Variants in PRRC2B observed in about 807,000 individuals in gnomAD.
The protein encoded by PRRC2B is proline rich coiled-coil 2B.
A neutral mutation model predicts 242.3 loss-of-function variants in PRRC2B; 68 were observed. The observed-to-expected ratio is 0.28, with a 90% CI of 0.23 to 0.34. The LOEUF (loss-of-function observed/expected upper bound fraction) is 0.34, where lower values mean the gene tolerates loss of function less well. Ranked by LOEUF, PRRC2B falls within the 10% of genes least tolerant of loss-of-function variation. The pLI, the probability that PRRC2B is intolerant of heterozygous loss-of-function variation, is 1.00. For synonymous variants in PRRC2B, 1,228 were observed against 1,173.6 expected (o/e 1.05, Z -0.95); for missense variants, 2,835 against 2,954.8 (o/e 0.96, Z 0.94).
chr9:131,387,268 T>G (rs1836838215), intron 1 of PRRC2B, among the ~76,000 whole-genome samples: 2 of 150,304 alleles, frequency 1.3e-5, no homozygotes, highest in Admixed American at 1.4e-4. Flanking sequence ...CCCAAAGTGC[T>G]GGGATTACAG....
At chr9:131,467,800 C>A in intron 13 of PRRC2B, 47 bp downstream of exon 13, 1 of 1,586,740 alleles carries the variant, frequency 6.3e-7, no homozygotes, top group Non-Finnish European at 8.6e-7. Context: ...GGCCTGAGTG[C>A]CGAGCAGATG....
chr9:131,474,604 A>G lies in PRRC2B; in HGVS notation c.2475A>G (p.Ile825Met). The change falls in exon 16 of 32, where the codon ATA (isoleucine) becomes ATG (methionine). Residue 825 changes from isoleucine to methionine, a missense_variant. Ile to Met is a conservative substitution (Grantham distance 10, BLOSUM62 1). This residue lies in a region of PRRC2B where 1,536 missense variants were observed against 1,483.1 expected (regional missense o/e 1.04). Transcript: ENST00000683519. Reference protein sequence around the residue: ...DFDSCISSQRIGQELLFPPQE... With the variant: ...DFDSCISSQRMGQELLFPPQE... ...ACAGCTGTATCTCTTCTCAAAGAAT[A>G]GGCCAGGAGCTTTTGTTTCCACCCC... is the stretch of plus-strand genomic sequence containing the variant. The G allele has an allele frequency of 6.2e-7, 1 of 1,614,044 alleles. No homozygotes were observed. The highest frequency in any genetic ancestry group is 8.5e-7 in the Non-Finnish European group (1 of 1,179,896).
chr9:131,453,887 A>C (rs1041000789), intron 9 of PRRC2B, among the ~76,000 whole-genome samples: 3 of 152,234 alleles, frequency 2.0e-5, no homozygotes, highest in African/African-American at 7.2e-5. Context: ...TAATTGTCAT[A>C]TAACATAAAA....
intron 1 of PRRC2B, among the ~76,000 whole-genome samples, chr9:131,410,839 G>A (rs1837489698): frequency 6.6e-6 from 1 of 151,632 alleles, no homozygotes; most frequent in Non-Finnish European, 1.5e-5. Flanking sequence ...TTTCTTCATT[G>A]TTTCTGCTTT....
At chr9:131,447,614 C>A in intron 8 of PRRC2B, 48 bp from the exon 9 acceptor site, 1 of 1,484,490 alleles carries the variant, frequency 6.7e-7, no homozygotes. Context: ...TTTGATTTTG[C>A]TTCCGTCTGT....
Position 131,441,229 on chromosome 9 carries a change from G to T in PRRC2B, c.469+2168G>T, listed in dbSNP as rs150482908. The stretch of plus-strand genomic sequence containing the variant: ...GTTTAAAAATCTCCAGAAGGTAACA[G>T]AAAACTGCCAGTTTTTTTGAGGGAG... On this transcript the variant is annotated intron_variant, in intron 5 of 31. Transcript: ENST00000683519. Among the ~76,000 whole-genome samples, 194 of 152,324 alleles carry T rather than the reference G, an allele frequency of 1.3e-3. 5 individuals are homozygous for T. In the East Asian group the frequency reaches 0.034, roughly 26 times the overall value.
chr9:131,406,864 G>A (rs1267283050), intron 1 of PRRC2B, among the ~76,000 whole-genome samples: 1 of 152,146 alleles, frequency 6.6e-6, no homozygotes, highest in African/African-American at 2.4e-5. Flanking sequence ...GAAAGTGAAA[G>A]TCATTCCTTC....
intron 28 of PRRC2B, chr9:131,490,507 A>G: frequency 1.9e-6 from 1 of 519,166 alleles, no homozygotes; most frequent in Non-Finnish European, 3.8e-6. Context: ...TAATTCCAAT[A>G]GATCCTTCTG....
chr9:131,405,468 G>T (rs1305318021), intron 1 of PRRC2B, among the ~76,000 whole-genome samples: 1 of 152,104 alleles, frequency 6.6e-6, no homozygotes, highest in African/African-American at 2.4e-5. Flanking sequence ...ATTGCTGTTG[G>T]CGCTTTTGCA....
chr9:131,429,810 C>T (rs536804760), intron 1 of PRRC2B, among the ~76,000 whole-genome samples: 1 of 152,236 alleles, frequency 6.6e-6, no homozygotes, highest in African/African-American at 2.4e-5. Flanking sequence ...GTGCAGTAGA[C>T]TCCAGCCAAC....
chr9:131,481,708 G>C lies in PRRC2B; in HGVS notation c.4901-18G>C. On this transcript the variant is annotated intron_variant, in intron 19 of 31. Transcript: ENST00000683519. The stretch of plus-strand genomic sequence containing the variant: ...GGTTGCTCTTTGATGCCCTGACTCT[G>C]TCTTCCTCCCCTGGCAGCTCTCCCT... 1 of 1,552,926 alleles carries C rather than the reference G, an allele frequency of 6.4e-7. No homozygotes were observed. Among genetic ancestry groups the C allele is most frequent in the South Asian group, 1.2e-5 (1 of 84,184 alleles).
chr9:131,426,788 C>G (rs1273143291), intron 1 of PRRC2B, among the ~76,000 whole-genome samples: 1 of 152,210 alleles, frequency 6.6e-6, no homozygotes, highest in Non-Finnish European at 1.5e-5. Flanking sequence ...GTGCCAGACT[C>G]TCTTACGCCC....
intron 1 of PRRC2B, among the ~76,000 whole-genome samples, chr9:131,399,151 C>G (rs1171608487): frequency 6.6e-6 from 1 of 151,504 alleles, no homozygotes. Flanking sequence ...TGGCGAGTGC[C>G]TGTAGTCCCA....
chr9:131,412,475 C>T (rs1371225784), intron 1 of PRRC2B, among the ~76,000 whole-genome samples: 5 of 149,100 alleles, frequency 3.4e-5, no homozygotes, highest in Non-Finnish European at 7.5e-5. Flanking sequence ...TATGTGCGTG[C>T]GTGCGTGCGT....
intron 1 of PRRC2B, among the ~76,000 whole-genome samples, chr9:131,413,109 A>G (rs573759943): frequency 2.6e-5 from 4 of 152,348 alleles, no homozygotes; most frequent in African/African-American, 9.6e-5. Flanking sequence ...TAGCTCCTAC[A>G]ATTTAGCCTG....
intron 4 of PRRC2B, among the ~76,000 whole-genome samples, chr9:131,438,453 AGG>A (rs905603012): frequency 6.6e-6 from 1 of 152,046 alleles, no homozygotes; most frequent in African/African-American, 2.4e-5. Flanking sequence ...GTGACCTCCT[AGG>A]GTTCTCAGGA....
intron 9 of PRRC2B, among the ~76,000 whole-genome samples, chr9:131,448,427 C>G (rs948891565): frequency 1.3e-5 from 2 of 150,944 alleles, no homozygotes; most frequent in Non-Finnish European, 3.0e-5. Context: ...GCCTGTAGTC[C>G]CAGCTACTCA....
At chr9:131,448,466 C>T (rs1052129539) in intron 9 of PRRC2B, among the ~76,000 whole-genome samples, 2 of 141,066 alleles carry the variant, frequency 1.4e-5, no homozygotes, top group Non-Finnish European at 3.0e-5. Context: ...ATCACTTGAA[C>T]CTGGGAAGCA....
At chr9:131,408,020 G>A (rs996028858) in intron 1 of PRRC2B, among the ~76,000 whole-genome samples, 2 of 152,134 alleles carry the variant, frequency 1.3e-5, no homozygotes, top group Admixed American at 6.5e-5. Flanking sequence ...GGAGTCCTTC[G>A]GTGCTTCTGG....
Sources: gnomAD v4.1 joint callset for allele counts (sites outside exome capture counted in the v4.1 genomes callset) on GRCh38, gnomAD v4.1.1 for gene constraint, gnomAD v4.1.1 regional missense constraint, MANE v1.5 for transcripts, NCBI Gene and HGNC (gene_info 2026-07-23, HGNC 2026-07-21) for gene names.